The following SMAD9 variants were observed in gnomAD, a reference collection of about 807,000 sequenced individuals.
SMAD9 encodes the protein MAD homolog 9.
SMAD9 carries 36 observed loss-of-function variants against 46.1 expected under a neutral mutation model. The ratio of observed to expected loss-of-function variants is 0.78; its 90% CI spans 0.60 to 1.03. The LOEUF is 1.03. Among genes scored for constraint, SMAD9 ranks in the 50% least tolerant of loss-of-function variants. The pLI is 0.00. For synonymous variants in SMAD9, 245 were observed against 237.1 expected (o/e 1.03, Z -0.31); for missense variants, 572 against 599.8 (o/e 0.95, Z 0.48).
rs886050160 is a variant in SMAD9 at position 36,847,610 on chromosome 13, C to G, written c.*1066G>C. 1.3e-5 allele frequency: 2 copies of G among 152,182 alleles called. No individual in the cohort carries two copies. The highest frequency in any genetic ancestry group is 3.9e-4 in the East Asian group (2 of 5,194). 9.4% of individuals were successfully genotyped at this position (152,182 alleles called of 1,614,324 possible). On this transcript the variant is annotated 3_prime_UTR_variant, in exon 7 of 7. Coordinates refer to ENST00000379826, the MANE Select transcript of SMAD9 (RefSeq NM_001127217.3). ...ATAACTCATTGATCCAATAATGTGTCTAGATTTTCTCAAAGTCTTTACTGT... is the reference window on the plus strand; with the variant it reads ...ATAACTCATTGATCCAATAATGTGTGTAGATTTTCTCAAAGTCTTTACTGT...
chr13:36,845,919 GT>G lies in SMAD9; in HGVS notation c.*2756del, dbSNP rs570589453. ...AAATTCAGATTCACTGCAATATTGT[GT>G]TCTGGCTTCCCAAAGCTGCAGGGAA... On this transcript the variant is annotated 3_prime_UTR_variant, in exon 7 of 7. Coordinates refer to ENST00000379826, the MANE Select transcript of SMAD9 (RefSeq NM_001127217.3). The G allele has an allele frequency of 5.2e-4, 79 of 152,196 alleles. No individual in the cohort carries two copies. Among genetic ancestry groups the G allele is most frequent in the African/African-American group, 1.9e-3 (78 of 41,542 alleles). The allele number at this position is 152,196 out of a possible 1,614,324, so 9.4% of individuals were successfully genotyped here.
Position 36,853,693 on chromosome 13 carries a change from C to T in SMAD9, c.1004-18G>A. 2 of 1,613,598 alleles carry T rather than the reference C, an allele frequency of 1.2e-6. No individual in the cohort carries two copies. Among genetic ancestry groups the T allele is most frequent in the East Asian group, 2.2e-5 (1 of 44,880 alleles). ...GTGCACACCTGCAGACACAAAAACA[C>T]AGCCTTCCTTCACATGCCCTTTCAT... On this transcript the variant is annotated intron_variant, in intron 5 of 6. Coordinates refer to ENST00000379826, the MANE Select transcript of SMAD9 (RefSeq NM_001127217.3).
chr13:36,899,815 G>C (rs1011739082), intron 1 of SMAD9, among the ~76,000 whole-genome samples: 1 of 152,172 alleles, frequency 6.6e-6, no homozygotes, highest in African/African-American at 2.4e-5. Flanking sequence ...ACATTTCATT[G>C]AATTATTAAA....
chr13:36,889,006 C>A (rs2058469775), intron 1 of SMAD9, among the ~76,000 whole-genome samples: 1 of 152,018 alleles, frequency 6.6e-6, no homozygotes, highest in Admixed American at 6.6e-5. Context: ...AAAAATGCCT[C>A]CCAAGTCAGA....
chr13:36,849,670 C>CA (rs2058059463), intron 6 of SMAD9: 1 of 151,818 alleles, frequency 6.6e-6, no homozygotes, highest in African/African-American at 2.4e-5. Flanking sequence ...TCCATACCTG[C>CA]AACTGATATT....
At chr13:36,919,374 A>G (rs921916257) in intron 1 of SMAD9, among the ~76,000 whole-genome samples, 1 of 151,980 alleles carries the variant, frequency 6.6e-6, no homozygotes, top group African/African-American at 2.4e-5. Context: ...GCTGGCACCG[A>G]GGGGCGGGCC....
intron 2 of SMAD9, among the ~76,000 whole-genome samples, chr13:36,875,631 T>C (rs139456355): frequency 1.8e-4 from 27 of 152,344 alleles, no homozygotes; most frequent in Middle Eastern, 3.4e-3. Flanking sequence ...ACAGCGAATG[T>C]GTATGGCTTC....
chr13:36,903,218 C>T (rs1175117006), intron 1 of SMAD9, among the ~76,000 whole-genome samples: 1 of 151,578 alleles, frequency 6.6e-6, no homozygotes, highest in Non-Finnish European at 1.5e-5. Context: ...CCTCCTCCTC[C>T]CGGATTCAAG....
chr13:36,867,465 A>G (rs1593570620), intron 3 of SMAD9, 82 bp from the exon 4 acceptor site: 2 of 914,660 alleles, frequency 2.2e-6, no homozygotes, highest in Non-Finnish European at 3.4e-6. Flanking sequence ...TTTTGCCATT[A>G]AACTCCTGAG....
At chr13:36,905,832 TA>T (rs367993799) in intron 1 of SMAD9, among the ~76,000 whole-genome samples, 5 of 111,254 alleles carry the variant, frequency 4.5e-5, no homozygotes, top group Admixed American at 8.9e-5. Flanking sequence ...TCCTTTGTTA[TA>T]TTTTTTTAAA....
At chr13:36,852,535 T>C (rs1328294557) in intron 6 of SMAD9, 8 of 983,848 alleles carry the variant, frequency 8.1e-6, no homozygotes, top group South Asian at 4.7e-5. Flanking sequence ...AGATTCGATA[T>C]GAGAAATTCA....
At chr13:36,889,649 C>A (rs1408619638) in intron 1 of SMAD9, among the ~76,000 whole-genome samples, 2 of 152,108 alleles carry the variant, frequency 1.3e-5, no homozygotes, top group Non-Finnish European at 2.9e-5. Flanking sequence ...GAAATCAATT[C>A]TTCCTGCCCT....
At chr13:36,885,692 A>G (rs990125110) in intron 1 of SMAD9, among the ~76,000 whole-genome samples, 2 of 151,348 alleles carry the variant, frequency 1.3e-5, no homozygotes, top group African/African-American at 4.9e-5. Context: ...GAGACAGGGG[A>G]GCTCTATCTA....
At chr13:36,890,491 T>A (rs914088637) in intron 1 of SMAD9, among the ~76,000 whole-genome samples, 5 of 152,250 alleles carry the variant, frequency 3.3e-5, no homozygotes, top group Non-Finnish European at 7.3e-5. Context: ...TGAACCAGTT[T>A]TTTTCAATGT....
chr13:36,897,157 C>T (rs968367459), intron 1 of SMAD9, among the ~76,000 whole-genome samples: 6 of 152,164 alleles, frequency 3.9e-5, no homozygotes, highest in African/African-American at 1.4e-4. Context: ...TGGTAATGTG[C>T]TATTATTATG....
intron 1 of SMAD9, among the ~76,000 whole-genome samples, chr13:36,893,707 AAAAG>A (rs1242732088): frequency 2.6e-5 from 4 of 151,808 alleles, no homozygotes; most frequent in Non-Finnish European, 5.9e-5. Context: ...ATTTAGTTTA[AAAAG>A]AAATAAAAAC....
rs1420057508 is a variant in SMAD9, at chr13:36,901,058, T to TTG, written c.-187+19056_-187+19057dup. Among the ~76,000 whole-genome samples, 11 of 152,332 alleles carry TTG rather than the reference T, an allele frequency of 7.2e-5. No homozygotes were observed. The East Asian group carries it at 2.1e-3, about 29-fold the overall frequency. On this transcript the variant is annotated intron_variant, in intron 1 of 6. Transcript: ENST00000379826. Reference sequence around the variant, plus strand: ...TGTGATGAATCATATATGTGTGTGTTTGTGTGTGTATAAACAATTGATAGA... The same window carrying TTG: ...TGTGATGAATCATATATGTGTGTGTTTGTGTGTGTGTATAAACAATTGATAGA...
At chr13:36,862,783 C>A (rs1284695112) in intron 5 of SMAD9, among the ~76,000 whole-genome samples, 2 of 152,160 alleles carry the variant, frequency 1.3e-5, no homozygotes, top group Non-Finnish European at 2.9e-5. Flanking sequence ...ATCGGGACAC[C>A]TTTCTGGTAA....
intron 1 of SMAD9, among the ~76,000 whole-genome samples, chr13:36,909,601 T>C (rs1352291934): frequency 1.3e-5 from 2 of 152,146 alleles, no homozygotes; most frequent in Non-Finnish European, 2.9e-5. Flanking sequence ...ATTTAATGCT[T>C]CCAGAAGCAA....
Sources: gnomAD v4.1 joint callset for allele counts (sites outside exome capture counted in the v4.1 genomes callset) on GRCh38, gnomAD v4.1.1 for gene constraint, MANE v1.5 for transcripts, NCBI Gene and HGNC (gene_info 2026-07-23, HGNC 2026-07-21) for gene names.